The following NFIA variants were observed in gnomAD, a reference collection of about 807,000 sequenced individuals.
NFIA encodes the protein nuclear factor I A.
A neutral mutation model predicts 62.8 loss-of-function variants in NFIA; 8 were observed. The observed-to-expected ratio is 0.13, with a 90% CI of 0.07 to 0.23. The LOEUF (loss-of-function observed/expected upper bound fraction) is 0.23, where lower values mean the gene tolerates loss of function less well. NFIA is among the 10% of genes least tolerant of loss of function. NFIA has a pLI of 1.00. For synonymous variants in NFIA, 235 were observed against 238.1 expected (o/e 0.99, Z 0.12); for missense variants, 410 against 642.1 (o/e 0.64, Z 3.91).
intron 2 of NFIA, among the ~76,000 whole-genome samples, chr1:61,252,272 A>G (rs903678401): frequency 1.3e-5 from 2 of 152,220 alleles, no homozygotes; most frequent in Non-Finnish European, 2.9e-5. Flanking sequence ...TTCATGGCCA[A>G]CAGTTACCTA....
intron 2 of NFIA, among the ~76,000 whole-genome samples, chr1:61,173,832 A>T (rs1375421499): frequency 6.6e-6 from 1 of 152,140 alleles, no homozygotes; most frequent in Non-Finnish European, 1.5e-5. Context: ...TAACCAGGAG[A>T]AGTGGTGGCT....
chr1:61,260,202 A>G (rs905484592), intron 2 of NFIA, among the ~76,000 whole-genome samples: 34 of 152,324 alleles, frequency 2.2e-4, no homozygotes, highest in African/African-American at 7.5e-4. Flanking sequence ...TTTTGTTCTG[A>G]AGGACATGAC....
chr1:61,420,923 A>G (rs1306239615), intron 9 of NFIA, among the ~76,000 whole-genome samples: 1 of 152,202 alleles, frequency 6.6e-6, no homozygotes, highest in Non-Finnish European at 1.5e-5. Context: ...TGATCCTTAA[A>G]ATACTACCTT....
intron 2 of NFIA, among the ~76,000 whole-genome samples, chr1:61,185,302 AAAC>A (rs1265619937): frequency 1.3e-5 from 2 of 152,216 alleles, no homozygotes; most frequent in Non-Finnish European, 2.9e-5. Flanking sequence ...GAATTTGAAT[AAAC>A]AACTGGAATA....
chr1:61,248,168 C>T (rs1655772708), intron 2 of NFIA, among the ~76,000 whole-genome samples: 1 of 152,196 alleles, frequency 6.6e-6, no homozygotes, highest in Non-Finnish European at 1.5e-5. Flanking sequence ...CCTCAACTAG[C>T]TGTCCCTCCA....
intron 2 of NFIA, among the ~76,000 whole-genome samples, chr1:61,255,809 TAC>T (rs1656355321): frequency 3.3e-5 from 5 of 152,174 alleles, no homozygotes; most frequent in Admixed American, 3.3e-4. Context: ...CTTACTATCA[TAC>T]AATTTATATA....
chr1:61,414,276 C>CCCAG (rs1429265393), intron 9 of NFIA, among the ~76,000 whole-genome samples: 7 of 152,238 alleles, frequency 4.6e-5, no homozygotes, highest in African/African-American at 1.7e-4. Context: ...AGCCACTGTG[C>CCCAG]CCAGCCCACT....
intron 3 of NFIA, among the ~76,000 whole-genome samples, chr1:61,313,323 CT>C (rs1660209835): frequency 6.6e-6 from 1 of 152,196 alleles, no homozygotes; most frequent in African/African-American, 2.4e-5. Context: ...CTGCAGGCAT[CT>C]GCTGGGCTTC....
chr1:61,385,759 G>A (rs973059281), intron 7 of NFIA: 2 of 152,146 alleles, frequency 1.3e-5, no homozygotes, highest in Admixed American at 6.5e-5. Flanking sequence ...TTAGCTCACA[G>A]CATAACAAGT....
At chr1:61,336,046 T>A (rs1372786769) in intron 4 of NFIA, among the ~76,000 whole-genome samples, 1 of 152,130 alleles carries the variant, frequency 6.6e-6, no homozygotes, top group Non-Finnish European at 1.5e-5. Context: ...CTGTCCCTTT[T>A]TATAGATGGA....
intron 2 of NFIA, among the ~76,000 whole-genome samples, chr1:61,191,869 T>C (rs569723062): frequency 2.0e-4 from 31 of 152,354 alleles, no homozygotes; most frequent in African/African-American, 6.7e-4. Context: ...GAGTTTGGGA[T>C]TTGGCCTTGC....
rs554037029 is a variant in NFIA, at chr1:61,388,560, A to G, written c.1075+5195A>G. On this transcript the variant is annotated intron_variant, in intron 7 of 10. Coordinates refer to ENST00000403491, the MANE Select transcript of NFIA (RefSeq NM_001134673.4). ...AAAATCTTTGCTGTTTTGAAGATTAAGAAGATAGTGAATGATACTTTATTT... is the reference window on the plus strand; with the variant it reads ...AAAATCTTTGCTGTTTTGAAGATTAGGAAGATAGTGAATGATACTTTATTT... Among the ~76,000 whole-genome samples, 18 of 152,336 alleles carry G rather than the reference A, an allele frequency of 1.2e-4. 1 individual carries two copies. In the South Asian group the frequency reaches 3.3e-3, roughly 28 times the overall value.
chr1:61,241,712 T>G (rs1655358885), intron 2 of NFIA, among the ~76,000 whole-genome samples: 1 of 151,540 alleles, frequency 6.6e-6, no homozygotes, highest in African/African-American at 2.4e-5. Flanking sequence ...AACCCGAAGA[T>G]GCAAGACTTG....
chr1:61,399,999 A>C (rs935753252), intron 7 of NFIA, among the ~76,000 whole-genome samples: 1 of 152,166 alleles, frequency 6.6e-6, no homozygotes, highest in African/African-American at 2.4e-5. Flanking sequence ...TATTTTTTCA[A>C]TTGTTTGAAT....
At position 61,154,787 on chromosome 1, in the gene NFIA, A is replaced by G. The variant is rs113232964; in HGVS notation, c.559+66107A>G. On this transcript the variant is annotated intron_variant, in intron 2 of 10. Coordinates refer to ENST00000403491, the MANE Select transcript of NFIA (RefSeq NM_001134673.4). Reference sequence around the variant, plus strand: ...TTTAAATAGAGCAGATGAAAGATCTATAGTGTAGAAGTAATCTGCATATAA... The same window carrying G: ...TTTAAATAGAGCAGATGAAAGATCTGTAGTGTAGAAGTAATCTGCATATAA... 9.0e-3 allele frequency among the ~76,000 whole-genome samples: 1,378 copies of G among 152,350 alleles called. 22 individuals carry two copies. Among genetic ancestry groups the G allele is most frequent in the African/African-American group, 0.03 (1,266 of 41,574 alleles).
chr1:61,257,579 C>T (rs1041614060), intron 2 of NFIA, among the ~76,000 whole-genome samples: 2 of 152,052 alleles, frequency 1.3e-5, no homozygotes, highest in Admixed American at 1.3e-4. Context: ...ACCTCATGAT[C>T]TGCCTACTTT....
chr1:61,321,504 G>A (rs1185511244), intron 3 of NFIA, among the ~76,000 whole-genome samples: 2 of 152,068 alleles, frequency 1.3e-5, no homozygotes, highest in Admixed American at 6.6e-5. Flanking sequence ...AAATTAGGTT[G>A]ATGAGATGTC....
intron 3 of NFIA, among the ~76,000 whole-genome samples, chr1:61,291,019 G>A (rs1180888492): frequency 6.6e-6 from 1 of 152,172 alleles, no homozygotes; most frequent in African/African-American, 2.4e-5. Context: ...AATACTTTGA[G>A]AAGCTGGCCT....
chr1:61,078,605 C>G (rs1646060000), upstream of NFIA, among the ~76,000 whole-genome samples: 1 of 152,206 alleles, frequency 6.6e-6, no homozygotes, highest in African/African-American at 2.4e-5. Flanking sequence ...TTCTTGAACT[C>G]TAAACAACAG....
Sources: gnomAD v4.1 joint callset for allele counts (sites outside exome capture counted in the v4.1 genomes callset) on GRCh38, gnomAD v4.1.1 for gene constraint, MANE v1.5 for transcripts, NCBI Gene and HGNC (gene_info 2026-07-23, HGNC 2026-07-21) for gene names.